The following THSD7B variants were observed in gnomAD, a reference collection of about 807,000 sequenced individuals.
The protein encoded by THSD7B is thrombospondin type-1 domain-containing protein 7B.
In THSD7B, 138 loss-of-function variants were observed where a neutral mutation model predicts 213.6. The ratio of observed to expected loss-of-function variants is 0.65; its 90% CI spans 0.56 to 0.74. The LOEUF (loss-of-function observed/expected upper bound fraction) is 0.74. Among genes scored for constraint, THSD7B ranks in the 30% least tolerant of loss-of-function variants. The pLI is 0.00. For missense variants in THSD7B, 1,931 were observed against 1,991.5 expected, an observed-to-expected ratio of 0.97 and a Z score of 0.58; for synonymous variants, 742 against 687.0, an observed-to-expected ratio of 1.08 and a Z score of -1.25.
intron 15 of THSD7B, among the ~76,000 whole-genome samples, chr2:137,520,178 G>A (rs762885963): frequency 5.9e-5 from 9 of 152,096 alleles, no homozygotes; most frequent in Non-Finnish European, 1.2e-4. Flanking sequence ...GTGGCAGTAG[G>A]AATAAATTAG....
chr2:137,362,747 A>T (rs1685297332), intron 12 of THSD7B, among the ~76,000 whole-genome samples: 1 of 152,188 alleles, frequency 6.6e-6, no homozygotes, highest in African/African-American at 2.4e-5. Flanking sequence ...AAGTCCTTAG[A>T]GACCTACAAA....
intron 2 of THSD7B, among the ~76,000 whole-genome samples, chr2:136,977,995 C>T (rs1685510903): frequency 6.6e-6 from 1 of 151,930 alleles, no homozygotes; most frequent in South Asian, 2.1e-4. Context: ...AGGCAGGTTT[C>T]ACAATGTTGG....
intron 7 of THSD7B, among the ~76,000 whole-genome samples, chr2:137,194,388 C>T (rs904727116): frequency 6.6e-6 from 1 of 152,182 alleles, no homozygotes; most frequent in Admixed American, 6.5e-5. Flanking sequence ...CAGTTTAGAG[C>T]AGCCCCTCCT....
chr2:137,264,207 C>T (rs1191375180), intron 10 of THSD7B, among the ~76,000 whole-genome samples: 1 of 151,538 alleles, frequency 6.6e-6, no homozygotes, highest in Non-Finnish European at 1.5e-5. Context: ...TAATATTGTA[C>T]TGCCATCTTT....
At chr2:137,404,188 G>A (rs1686441679) in intron 12 of THSD7B, among the ~76,000 whole-genome samples, 1 of 151,648 alleles carries the variant, frequency 6.6e-6, no homozygotes, top group African/African-American at 2.4e-5. Flanking sequence ...GTTCCTAGTT[G>A]AAAAAGTGTG....
At chr2:136,819,601 G>A (rs569998543) in intron 1 of THSD7B, among the ~76,000 whole-genome samples, 3 of 152,134 alleles carry the variant, frequency 2.0e-5, no homozygotes, top group Non-Finnish European at 4.4e-5. Context: ...CATGAAACAT[G>A]GGACTTGGGA....
In THSD7B at chr2:137,045,407, CA is replaced by C. The variant is rs564207151; in HGVS notation, c.140-11012del. On this transcript the variant is annotated intron_variant, in intron 2 of 27. Transcript: ENST00000409968. ...GTGACTAGTGGAGAGGCAGCATCTGCAGTGTGGATACACCTGACAAAGAAAG... is the reference window on the plus strand; with the variant it reads ...GTGACTAGTGGAGAGGCAGCATCTGCGTGTGGATACACCTGACAAAGAAAG... Among the ~76,000 whole-genome samples the C allele has an allele frequency of 5.3e-5, 8 of 152,236 alleles. No homozygotes were observed. In the South Asian group the frequency reaches 1.7e-3, roughly 32 times the overall value.
chr2:136,988,778 T>C (rs1015239885), intron 2 of THSD7B, among the ~76,000 whole-genome samples: 3 of 152,228 alleles, frequency 2.0e-5, no homozygotes, highest in African/African-American at 7.2e-5. Flanking sequence ...GTCTGTCATT[T>C]AAAATGTCCA....
chr2:137,345,104 G>A (rs1684847625), intron 12 of THSD7B, among the ~76,000 whole-genome samples: 1 of 151,628 alleles, frequency 6.6e-6, no homozygotes, highest in Non-Finnish European at 1.5e-5. Flanking sequence ...GTGAGGCATA[G>A]CATATAAATT....
chr2:136,939,108 A>C (rs1684777584), intron 2 of THSD7B, among the ~76,000 whole-genome samples: 1 of 152,132 alleles, frequency 6.6e-6, no homozygotes, highest in Non-Finnish European at 1.5e-5. Context: ...TTTCAAGCAG[A>C]TTTTAATAAG....
chr2:136,850,287 T>A (rs1683078258), intron 1 of THSD7B, among the ~76,000 whole-genome samples: 1 of 120,532 alleles, frequency 8.3e-6, no homozygotes, highest in African/African-American at 3.2e-5. Flanking sequence ...CTTTTCTGAA[T>A]GGTTTTTTAG....
intron 2 of THSD7B, among the ~76,000 whole-genome samples, chr2:137,026,973 G>C (rs1686568043): frequency 6.6e-6 from 1 of 152,136 alleles, no homozygotes; most frequent in African/African-American, 2.4e-5. Context: ...CAAGCTTCTT[G>C]AGCTATGGGT....
intron 12 of THSD7B, among the ~76,000 whole-genome samples, chr2:137,293,335 G>A (rs904843837): frequency 4.0e-5 from 6 of 151,828 alleles, no homozygotes; most frequent in African/African-American, 1.5e-4. Context: ...AACGGGTTTT[G>A]CCATGTTGCC....
chr2:137,611,782 G>A (rs987915529), intron 17 of THSD7B, among the ~76,000 whole-genome samples: 2 of 152,078 alleles, frequency 1.3e-5, no homozygotes, highest in African/African-American at 4.8e-5. Context: ...CTTCTGTTTT[G>A]TGTGGAGGGT....
intron 14 of THSD7B, among the ~76,000 whole-genome samples, chr2:137,422,919 G>A (rs1319547173): frequency 6.6e-6 from 1 of 152,120 alleles, no homozygotes; most frequent in Non-Finnish European, 1.5e-5. Flanking sequence ...GGTCTGTATG[G>A]ATTTGATAGG....
In THSD7B at chr2:137,405,759, T is replaced by A. The variant is rs1686502199; in HGVS notation, c.2647T>A (p.Cys883Ser). 6.2e-7 allele frequency: 1 copy of A among 1,613,498 alleles called. No individual in the cohort carries two copies. The highest frequency in any genetic ancestry group is 2.2e-5 in the East Asian group (1 of 44,820). Residue 883 changes from cysteine to serine, a missense_variant, in exon 13 of 28, where the codon TGC becomes AGC. Coordinates refer to ENST00000409968, the MANE Select transcript of THSD7B (RefSeq NM_001316349.2). ...TFTAWSKFTP[C>S]STNCEATKSR... is the part of the protein sequence containing the mutation. ...CACTGCTTGGTCCAAGTTTACGCCC[T>A]GCTCCACGAACTGTGAAGCCACAAA...
At position 136,795,495 on chromosome 2, in the gene THSD7B, G is replaced by C. The variant is rs543047652; in HGVS notation, c.-36+29808G>C. 4.6e-5 allele frequency among the ~76,000 whole-genome samples: 7 copies of C among 152,070 alleles called. No individual in the cohort carries two copies. In the South Asian group the frequency reaches 1.5e-3, roughly 32 times the overall value. On this transcript the variant is annotated intron_variant, in intron 1 of 27. Transcript: ENST00000409968. ...CTGCAAAGTCCGTTTTGCTGTGTGA[G>C]GTATCATATCCACAGGTCTTGAGAA...
chr2:136,929,927 G>A (rs1684600331), intron 2 of THSD7B, among the ~76,000 whole-genome samples: 1 of 152,204 alleles, frequency 6.6e-6, no homozygotes, highest in Non-Finnish European at 1.5e-5. Context: ...CAGCTACAGA[G>A]AAATAAGACA....
intron 10 of THSD7B, among the ~76,000 whole-genome samples, chr2:137,254,823 C>T (rs1682266795): frequency 6.6e-6 from 1 of 151,924 alleles, no homozygotes; most frequent in Admixed American, 6.6e-5. Flanking sequence ...AAGGCATAAA[C>T]ATTATGAATT....
Sources: gnomAD v4.1 joint callset for allele counts (sites outside exome capture counted in the v4.1 genomes callset) on GRCh38, gnomAD v4.1.1 for gene constraint, MANE v1.5 for transcripts, NCBI Gene and HGNC (gene_info 2026-07-23, HGNC 2026-07-21) for gene names.